Variants in TG observed in about 807,000 individuals in gnomAD.
The protein encoded by TG is thyroid hormones.
TG carries 270 observed loss-of-function variants against 324.7 expected under a neutral mutation model. That is an observed-to-expected ratio of 0.83 (90% CI 0.75 to 0.92). The LOEUF (loss-of-function observed/expected upper bound fraction) is 0.92. Ranked by LOEUF, TG falls within the 40% of genes least tolerant of loss-of-function variation. The pLI, the probability that TG is intolerant of heterozygous loss-of-function variation, is 0.00. For synonymous variants in TG, 1,401 were observed against 1,327.0 expected, an observed-to-expected ratio of 1.06 and a Z score of -1.21; for missense variants, 3,591 against 3,456.4, an observed-to-expected ratio of 1.04 and a Z score of -0.98.
intron 20 of TG, among the ~76,000 whole-genome samples, chr8:132,917,956 T>A (rs901954563): frequency 2.0e-5 from 3 of 147,926 alleles, no homozygotes; most frequent in Non-Finnish European, 4.5e-5. Flanking sequence ...TAAGGAAGGG[T>A]CTGAGGCTAA....
intron 30 of TG, 74 bp from the exon 31 acceptor site, chr8:132,967,720 A>C: frequency 2.0e-6 from 3 of 1,536,598 alleles, no homozygotes; most frequent in Non-Finnish European, 2.7e-6. Context: ...TTCCCCACCC[A>C]GAGAATCCTG....
chr8:132,923,175 G>C (rs1312869990), intron 21 of TG, among the ~76,000 whole-genome samples, 163 bp from the exon 22 acceptor site: 4 of 152,138 alleles, frequency 2.6e-5, no homozygotes, highest in African/African-American at 9.7e-5. Context: ...AATCACAGGG[G>C]CCTTATTGAT....
At chr8:132,896,819 G>A (rs1164800860) in intron 11 of TG, among the ~76,000 whole-genome samples, 7 of 152,266 alleles carry the variant, frequency 4.6e-5, no homozygotes, top group Non-Finnish European at 8.8e-5. Flanking sequence ...ATGCTAGTGC[G>A]GAGGAGACAA....
At position 133,094,144 on chromosome 8, in the gene TG, C is replaced by T. The variant is rs1028862349; in HGVS notation, c.7240-900C>T. 3.3e-5 allele frequency among the ~76,000 whole-genome samples: 5 copies of T among 152,230 alleles called. No homozygotes were observed. In the East Asian group the frequency reaches 5.8e-4, roughly 18 times the overall value. On this transcript the variant is annotated intron_variant, in intron 41 of 47. Transcript: ENST00000220616. ...ACTCAGCTCATTTGTTCCTCCCAGG[C>T]GGATGACCCAATTCTACCAAAAGTC...
rs768367681 is a variant in TG at position 132,913,062 on chromosome 8, G to T, written c.4175G>T (p.Gly1392Val). Residue 1392 changes from glycine (G) to valine (V), a missense_variant, in exon 20 of 48, where the codon GGC becomes GTC. Gly to Val is a moderately radical substitution (Grantham distance 109, BLOSUM62 -3). Transcript: ENST00000220616. ...DLHDIERALV[G>V]KDLLGRFTDL... ...TGTCTTACAGAGAGAGCCTTGGTGG[G>T]CAAGGATCTCCTTGGGCGCTTCACA... is the stretch of plus-strand genomic sequence containing the variant. 3 of 1,613,984 alleles carry T rather than the reference G, an allele frequency of 1.9e-6. No individual in the cohort carries two copies. The highest frequency in any genetic ancestry group is 1.7e-5 in the Admixed American group (1 of 60,000).
At chr8:132,966,907 A>G (rs1240263051) in intron 30 of TG, among the ~76,000 whole-genome samples, 1 of 152,140 alleles carries the variant, frequency 6.6e-6, no homozygotes, top group Non-Finnish European at 1.5e-5. Flanking sequence ...TCCATAACCT[A>G]TCTTCATCCA....
chr8:132,976,168 C>T (rs1830148140), intron 34 of TG, among the ~76,000 whole-genome samples: 1 of 152,062 alleles, frequency 6.6e-6, no homozygotes, highest in Non-Finnish European at 1.5e-5. Context: ...TGTCTTAGTC[C>T]GTTTTGTGCT....
chr8:132,936,475 A>G (rs1260769128), intron 25 of TG, among the ~76,000 whole-genome samples: 2 of 152,216 alleles, frequency 1.3e-5, no homozygotes, highest in Non-Finnish European at 2.9e-5. Context: ...CACCCCTTAG[A>G]GAGTGCCAGT....
chr8:132,967,205 ACCATCCATCCAT>A (rs370535189), intron 30 of TG, among the ~76,000 whole-genome samples: 6 of 101,166 alleles, frequency 5.9e-5, no homozygotes, highest in Non-Finnish European at 1.1e-4. Context: ...ATCCCATCCA[ACCATCCATCCAT>A]CCATCCATCC....
intron 8 of TG, among the ~76,000 whole-genome samples, chr8:132,884,312 A>C (rs1453031271): frequency 3.3e-5 from 5 of 152,190 alleles, no homozygotes; most frequent in African/African-American, 1.2e-4. Flanking sequence ...TAGGCATTCG[A>C]GCCAGACCCC....
chr8:132,933,518 C>T (rs771506856), intron 23 of TG, 43 bp from the exon 24 acceptor site: 1 of 1,580,406 alleles, frequency 6.3e-7, no homozygotes, highest in Non-Finnish European at 8.7e-7. Context: ...CCTCAGCATC[C>T]CCCGGGAAAG....
intron 41 of TG, 78 bp from the exon 42 acceptor site, chr8:133,094,966 T>C: frequency 2.5e-6 from 4 of 1,596,488 alleles, no homozygotes; most frequent in Middle Eastern, 4.5e-4. Context: ...AGAACCCTGA[T>C]GTGGCACTGA....
chr8:132,882,676 G>A (rs938238424), intron 7 of TG, 64 bp downstream of exon 7: 4 of 1,613,674 alleles, frequency 2.5e-6, no homozygotes, highest in African/African-American at 2.7e-5. Context: ...GGGTTTCAAA[G>A]TTGCTATGGT....
At chr8:133,001,478 A>G (rs1833490371) in intron 35 of TG, among the ~76,000 whole-genome samples, 1 of 152,214 alleles carries the variant, frequency 6.6e-6, no homozygotes, top group African/African-American at 2.4e-5. Flanking sequence ...TCCCATTTTC[A>G]TTCTGCAAAT....
chr8:133,064,801 T>TGGGACAGTGTCCC (rs764043145), intron 41 of TG, among the ~76,000 whole-genome samples: 145 of 152,342 alleles, frequency 9.5e-4, no homozygotes, highest in Middle Eastern at 3.4e-3. Flanking sequence ...CTTCCATTCC[T>TGGGACAGTGTCCC]GGGACAGTGT....
At chr8:133,019,815 G>A in intron 39 of TG, 120 bp downstream of exon 39, 1 of 820,814 alleles carries the variant, frequency 1.2e-6, no homozygotes, top group Non-Finnish European at 2.0e-6. Flanking sequence ...CTGAGGTTAG[G>A]TGATTTGCCT....
intron 5 of TG, among the ~76,000 whole-genome samples, chr8:132,880,118 G>A (rs1814445701): frequency 6.6e-6 from 1 of 152,158 alleles, no homozygotes; most frequent in Non-Finnish European, 1.5e-5. Context: ...GCAGGATGTA[G>A]GACAGAAGCC....
At chr8:133,115,273 C>T (rs532899988) in intron 44 of TG, among the ~76,000 whole-genome samples, 1 of 152,200 alleles carries the variant, frequency 6.6e-6, no homozygotes, top group Non-Finnish European at 1.5e-5. Context: ...CTCAGGCCTT[C>T]CTTCTCTCTG....
intron 41 of TG, among the ~76,000 whole-genome samples, chr8:133,033,593 C>A (rs1357424414): frequency 6.6e-6 from 1 of 152,222 alleles, no homozygotes; most frequent in Non-Finnish European, 1.5e-5. Flanking sequence ...TGCATGAATC[C>A]TGCATGAATC....
Sources: gnomAD v4.1 joint callset for allele counts (sites outside exome capture counted in the v4.1 genomes callset) on GRCh38, gnomAD v4.1.1 for gene constraint, MANE v1.5 for transcripts, NCBI Gene and HGNC (gene_info 2026-07-23, HGNC 2026-07-21) for gene names.